Variants in ERP44 observed in about 807,000 individuals in gnomAD.
The protein encoded by ERP44 is endoplasmic reticulum protein 44, also known as endoplasmic reticulum resident protein 44.
In ERP44, 25 loss-of-function variants were observed where a neutral mutation model predicts 53.4. The ratio of observed to expected loss-of-function variants is 0.47; its 90% confidence interval spans 0.34 to 0.65. ERP44 has a LOEUF of 0.65. Ranked by LOEUF, ERP44 falls within the 30% of genes least tolerant of loss-of-function variation. ERP44 has a pLI of 0.01. For missense variants in ERP44, 338 were observed against 493.2 expected (o/e 0.69, Z 2.98); for synonymous variants, 145 against 161.2 (o/e 0.90, Z 0.76).
At chr9:100,085,784 A>G (rs975295703) in intron 1 of ERP44, among the ~76,000 whole-genome samples, 2 of 152,332 alleles carry the variant, frequency 1.3e-5, no homozygotes, top group East Asian at 3.9e-4. Flanking sequence ...CTGTAATCTC[A>G]GCTACTTGGG....
intron 4 of ERP44, among the ~76,000 whole-genome samples, chr9:100,048,296 C>CATGCA (rs750827627): frequency 1.4e-4 from 22 of 151,880 alleles, no homozygotes; most frequent in Non-Finnish European, 2.6e-4. Context: ...ACGTTGTGCA[C>CATGCA]ATGTACCCTA....
Position 99,983,855 on chromosome 9 carries a change from AAAAC to A in ERP44, c.1119+1108_1119+1111del, listed in dbSNP as rs563415795. 7.9e-5 allele frequency among the ~76,000 whole-genome samples: 12 copies of A among 152,360 alleles called. No individual in the cohort carries two copies. The South Asian group carries it at 2.5e-3, about 32-fold the overall frequency. ...AAGCTGAAATTAATTATATTACTAT[AAAAC>A]AAACATTTATTTGGTGCCCTCTGTT... On this transcript the variant is annotated intron_variant, in intron 11 of 11. Transcript: ENST00000262455.
intron 1 of ERP44, among the ~76,000 whole-genome samples, chr9:100,072,166 A>G (rs1029498868): frequency 6.6e-6 from 1 of 152,188 alleles, no homozygotes; most frequent in African/African-American, 2.4e-5. Flanking sequence ...TGACAGTCTC[A>G]AAGCTTTCTT....
chr9:100,051,098 C>G (rs1216186236), intron 4 of ERP44, among the ~76,000 whole-genome samples: 1 of 152,172 alleles, frequency 6.6e-6, no homozygotes, highest in African/African-American at 2.4e-5. Context: ...TACTGACAAC[C>G]TTTTATTGCT....
chr9:99,989,552 A>C (rs1273713184), intron 10 of ERP44, among the ~76,000 whole-genome samples: 1 of 152,208 alleles, frequency 6.6e-6, no homozygotes, highest in Non-Finnish European at 1.5e-5. Flanking sequence ...ACCATCATCA[A>C]AGGCCAAAAG....
At chr9:100,011,164 A>G (rs758319556) in intron 8 of ERP44, among the ~76,000 whole-genome samples, 42 of 152,218 alleles carry the variant, frequency 2.8e-4, no homozygotes, top group Non-Finnish European at 5.4e-4. Flanking sequence ...AAAAAAAAAC[A>G]TAAGTATGAA....
intron 4 of ERP44, among the ~76,000 whole-genome samples, chr9:100,048,693 A>T (rs1826003659): frequency 6.6e-6 from 1 of 152,240 alleles, no homozygotes; most frequent in Non-Finnish European, 1.5e-5. Context: ...CTTAAAAAGT[A>T]GGGAAATTCT....
rs1167716395 is a variant in ERP44 at position 99,981,072 on chromosome 9, A to G, written c.*1540T>C. On this transcript the variant is annotated 3_prime_UTR_variant, in exon 12 of 12. Coordinates refer to ENST00000262455, the MANE Select transcript of ERP44 (RefSeq NM_015051.3). ...CAGATCTGGTCCATAATCTAACCTG[A>G]AGACCATAACTCTAACTTCATTTAA... 6.6e-6 allele frequency: 1 copy of G among 152,106 alleles called. No individual in the cohort carries two copies. The highest frequency in any genetic ancestry group is 1.5e-5 in the Non-Finnish European group (1 of 68,000). The allele number at this position is 152,106 out of a possible 1,614,324, so 9.4% of individuals were successfully genotyped here. A position where few individuals can be genotyped will look rare whatever the true frequency, so the allele number is the denominator to read the frequency against.
chr9:100,083,415 C>A (rs1405355417), intron 1 of ERP44, among the ~76,000 whole-genome samples: 1 of 152,040 alleles, frequency 6.6e-6, no homozygotes, highest in African/African-American at 2.4e-5. Flanking sequence ...ATAAAATAGA[C>A]CACTGAAAGC....
chr9:100,077,781 A>G lies in ERP44; in HGVS notation c.58-17609T>C, dbSNP rs1334914282. Among the ~76,000 whole-genome samples, 5 of 152,378 alleles carry G rather than the reference A, an allele frequency of 3.3e-5. No homozygotes were observed. In the East Asian group the frequency reaches 9.6e-4, roughly 29 times the overall value. ...GACTGACCCAGACTATGAAGATGCA[A>G]TCAGTCTACTACTCCATAACAGAGG... On this transcript the variant is annotated intron_variant, in intron 1 of 11. Coordinates refer to ENST00000262455, the MANE Select transcript of ERP44 (RefSeq NM_015051.3).
At chr9:100,011,944 A>AT (rs1440006788) in intron 8 of ERP44, among the ~76,000 whole-genome samples, 1 of 152,162 alleles carries the variant, frequency 6.6e-6, no homozygotes, top group Non-Finnish European at 1.5e-5. Flanking sequence ...AGCATCCCTA[A>AT]TCTAAAACTC....
chr9:100,052,974 G>A (rs1192943080), intron 3 of ERP44, among the ~76,000 whole-genome samples: 2 of 151,976 alleles, frequency 1.3e-5, no homozygotes, highest in Non-Finnish European at 2.9e-5. Context: ...TTGGAGGGCA[G>A]GGGCACAATC....
intron 4 of ERP44, among the ~76,000 whole-genome samples, chr9:100,041,137 T>G (rs993634882): frequency 4.6e-5 from 7 of 151,974 alleles, no homozygotes; most frequent in Non-Finnish European, 8.8e-5. Flanking sequence ...TTCACAGAAA[T>G]AGAAAAACAA....
chr9:100,072,830 T>C (rs977807359), intron 1 of ERP44, among the ~76,000 whole-genome samples: 6 of 152,212 alleles, frequency 3.9e-5, no homozygotes, highest in Non-Finnish European at 8.8e-5. Flanking sequence ...TTCTGGAGTT[T>C]TGAGGCAGTC....
intron 1 of ERP44, among the ~76,000 whole-genome samples, chr9:100,067,168 G>GCTCTCCCTCTCCCTCTCC (rs893188814): frequency 2.0e-5 from 3 of 146,718 alleles, no homozygotes; most frequent in African/African-American, 8.1e-5. Flanking sequence ...TCTCCCTCTC[G>GCTCTCCCTCTCCCTCTCC]CTCTCCCTCT....
intron 1 of ERP44, among the ~76,000 whole-genome samples, chr9:100,066,334 A>G (rs1253585793): frequency 6.6e-6 from 1 of 152,192 alleles, no homozygotes; most frequent in Non-Finnish European, 1.5e-5. Flanking sequence ...TTAATTTTTT[A>G]AAGTATACTG....
intron 4 of ERP44, among the ~76,000 whole-genome samples, chr9:100,050,786 A>G (rs1187011075): frequency 6.6e-6 from 1 of 152,242 alleles, no homozygotes; most frequent in Non-Finnish European, 1.5e-5. Context: ...CTTACTAGCA[A>G]TGATGTCAGA....
intron 1 of ERP44, among the ~76,000 whole-genome samples, chr9:100,079,502 T>A (rs1051841273): frequency 2.5e-4 from 38 of 151,608 alleles, no homozygotes; most frequent in African/African-American, 9.2e-4. Context: ...AATACAAACA[T>A]ATTGTTCACT....
intron 4 of ERP44, among the ~76,000 whole-genome samples, chr9:100,041,826 T>C (rs765991387): frequency 2.0e-5 from 3 of 152,224 alleles, no homozygotes; most frequent in Non-Finnish European, 4.4e-5. Context: ...CTTCAATAAA[T>C]GGTACTGGAA....
Sources: gnomAD v4.1 joint callset for allele counts (sites outside exome capture counted in the v4.1 genomes callset) on GRCh38, gnomAD v4.1.1 for gene constraint, MANE v1.5 for transcripts, NCBI Gene and HGNC (gene_info 2026-07-23, HGNC 2026-07-21) for gene names.